Variants in NOTCH2NLB observed in about 807,000 individuals in gnomAD.
NOTCH2NLB encodes the protein notch homolog 2 N-terminal-like protein B.
NOTCH2NLB carries 1 observed loss-of-function variant against 14.8 expected under a neutral mutation model. The observed-to-expected ratio is 0.07, with a 90% CI of 0.02 to 0.32. The LOEUF is 0.32. NOTCH2NLB is among the 10% of genes least tolerant of loss of function. The pLI is 1.00. For synonymous variants in NOTCH2NLB, 6 were observed against 57.5 expected, an observed-to-expected ratio of 0.10 and a Z score of 4.05; for missense variants, 11 against 155.0, an observed-to-expected ratio of 0.07 and a Z score of 4.93.
intron 1 of NOTCH2NLB, among the ~76,000 whole-genome samples, chr1:148,661,297 T>C (rs1405905233): frequency 3.3e-5 from 5 of 149,322 alleles, no homozygotes; most frequent in East Asian, 1.9e-4. Context: ...GGCACTATTA[T>C]AAAAAAAGTT....
the NOTCH2NLB span, among the ~76,000 whole-genome samples, chr1:148,685,534 A>AGT: frequency 1.3e-5 from 2 of 152,220 alleles, no homozygotes; most frequent in African/African-American, 4.8e-5. Flanking sequence ...CATTATAAAA[A>AGT]GTGTGCACAG....
chr1:148,605,436 C>CCA (rs1258084517), downstream of NOTCH2NLB, among the ~76,000 whole-genome samples: 10 of 141,662 alleles, frequency 7.1e-5, no homozygotes, highest in African/African-American at 1.4e-4. Context: ...ATCTCCCCTC[C>CCA]CACACACACA....
intron 2 of NOTCH2NLB, among the ~76,000 whole-genome samples, chr1:148,637,344 T>C (rs1352257738): frequency 0.012 from 1,656 of 136,000 alleles, 86 homozygotes; most frequent in African/African-American, 0.047. Flanking sequence ...CAAAGAACTA[T>C]TGGACTTCTT....
At chr1:148,654,759 A>G (rs1194779045) in intron 1 of NOTCH2NLB, among the ~76,000 whole-genome samples, 1 of 96,412 alleles carries the variant, frequency 1.0e-5, no homozygotes, top group Non-Finnish European at 2.3e-5. Flanking sequence ...AAATTAAAAT[A>G]AAGTTTTAAG....
intron 1 of NOTCH2NLB, among the ~76,000 whole-genome samples, chr1:148,673,613 C>G (rs1266550606): frequency 7.2e-6 from 1 of 139,156 alleles, no homozygotes; most frequent in Non-Finnish European, 1.6e-5. Context: ...ACAACACAAA[C>G]AGAAGTCCGA....
At chr1:148,660,400 C>G (rs1233417659) in intron 1 of NOTCH2NLB, among the ~76,000 whole-genome samples, 2 of 133,194 alleles carry the variant, frequency 1.5e-5, no homozygotes. Flanking sequence ...AATATACCTT[C>G]CAAGGGCAAA....
At chr1:148,659,023 TACTC>T (rs1411197319) in intron 1 of NOTCH2NLB, among the ~76,000 whole-genome samples, 2 of 146,344 alleles carry the variant, frequency 1.4e-5, no homozygotes, top group Non-Finnish European at 3.0e-5. Flanking sequence ...ATAAAATACA[TACTC>T]AATAAAAAGT....
chr1:148,637,639 T>C (rs1664238216), intron 2 of NOTCH2NLB, among the ~76,000 whole-genome samples: 1 of 146,176 alleles, frequency 6.8e-6, no homozygotes, highest in Non-Finnish European at 1.5e-5. Flanking sequence ...GTTTGTTTCA[T>C]AGGTATACAT....
At chr1:148,634,702 C>T in intron 2 of NOTCH2NLB, among the ~76,000 whole-genome samples, 1 of 13,096 alleles carries the variant, frequency 7.6e-5, no homozygotes, top group East Asian at 1.2e-3. Context: ...TTTATTACAG[C>T]TAGCAGACAA....
rs1436695146 is a variant in NOTCH2NLB, at chr1:148,610,131, T to C, written c.338-2386A>G. ...GGTGAAACGCCATCTTTTCTAAAAATACAAAAATTAGCCGGGCTTCATAGC... is the reference window on the plus strand; with the variant it reads ...GGTGAAACGCCATCTTTTCTAAAAACACAAAAATTAGCCGGGCTTCATAGC... On this transcript the variant is annotated intron_variant, in intron 3 of 4. Coordinates refer to ENST00000593495, the Ensembl canonical transcript of NOTCH2NLB. Among the ~76,000 whole-genome samples the C allele has an allele frequency of 2.9e-5, 4 of 138,576 alleles. 1 individual carries two copies. Among genetic ancestry groups the C allele is most frequent in the African/African-American group, 1.1e-4 (4 of 34,932 alleles). 90.9% of individuals were successfully genotyped at this position (138,576 alleles called of 152,430 possible).
rs1336467786 is a variant in NOTCH2NLB, at chr1:148,638,108, A to C, written c.77+1908T>G. Among the ~76,000 whole-genome samples the C allele has an allele frequency of 6.0e-5, 9 of 148,788 alleles. 1 individual carries two copies. Among genetic ancestry groups the C allele is most frequent in the Non-Finnish European group, 1.3e-4 (9 of 67,180 alleles). The stretch of plus-strand genomic sequence containing the variant: ...TTTATAATCCTTTGGGTATATACTC[A>C]GTAATGGGATTGCTGGGCCAAATGG... On this transcript the variant is annotated intron_variant, in intron 2 of 4. Coordinates refer to ENST00000593495, the Ensembl canonical transcript of NOTCH2NLB.
the NOTCH2NLB span, among the ~76,000 whole-genome samples, chr1:148,693,014 C>T: frequency 7.2e-6 from 1 of 138,436 alleles, no homozygotes; most frequent in Non-Finnish European, 1.5e-5. Flanking sequence ...AAGCAGACAG[C>T]CATTTGCCTT....
intron 3 of NOTCH2NLB, 48 bp from the exon 4 acceptor site, chr1:148,607,793 TG>T: frequency 3.1e-6 from 2 of 649,016 alleles, no homozygotes; most frequent in Admixed American, 4.4e-5. Context: ...AAATAGGAGA[TG>T]GCCCCATCCT....
At chr1:148,608,215 T>C (rs1663567334) in intron 3 of NOTCH2NLB, among the ~76,000 whole-genome samples, 1 of 136,022 alleles carries the variant, frequency 7.4e-6, no homozygotes, top group Non-Finnish European at 1.5e-5. Context: ...GGTGAAACCC[T>C]GTCTCTACTA....
chr1:148,651,075 G>A (rs1224387327), intron 1 of NOTCH2NLB, among the ~76,000 whole-genome samples: 21 of 126,070 alleles, frequency 1.7e-4, no homozygotes, highest in Non-Finnish European at 2.4e-4. Flanking sequence ...CCCGGGAGGC[G>A]GAGCTTGCAA....
intron 2 of NOTCH2NLB, among the ~76,000 whole-genome samples, chr1:148,633,339 G>A: frequency 8.8e-6 from 1 of 113,408 alleles, no homozygotes; most frequent in East Asian, 3.3e-4. Flanking sequence ...AGATCATGAG[G>A]TCAGGAGATA....
chr1:148,670,539 A>AATATATATATATATAT (rs1156575606), intron 1 of NOTCH2NLB, among the ~76,000 whole-genome samples: 1 of 93,482 alleles, frequency 1.1e-5, no homozygotes, highest in African/African-American at 4.3e-5. Context: ...TAAAAAAAAA[A>AATATATATATATATAT]ATATATATAT....
At chr1:148,633,131 A>T (rs1263537478) in intron 2 of NOTCH2NLB, among the ~76,000 whole-genome samples, 3 of 126,956 alleles carry the variant, frequency 2.4e-5, no homozygotes, top group Non-Finnish European at 4.9e-5. Context: ...CCCTTTTTGT[A>T]TACTTTCAAA....
chr1:148,613,231 C>T (rs1390002095), intron 3 of NOTCH2NLB, among the ~76,000 whole-genome samples: 15 of 148,058 alleles, frequency 1.0e-4, no homozygotes, highest in Non-Finnish European at 1.9e-4. Context: ...AGTTGTACTA[C>T]ATCAGGTGTA....
Sources: gnomAD v4.1 joint callset for allele counts (sites outside exome capture counted in the v4.1 genomes callset) on GRCh38, gnomAD v4.1.1 for gene constraint, MANE v1.5 for transcripts, NCBI Gene and HGNC (gene_info 2026-07-23, HGNC 2026-07-21) for gene names.